The following NCOA2 variants were observed in gnomAD, a reference collection of about 807,000 sequenced individuals.
NCOA2 encodes the protein class E basic helix-loop-helix protein 75.
Under a neutral mutation model 145.1 loss-of-function variants are expected in NCOA2, and 21 were observed. The ratio of observed to expected loss-of-function variants is 0.14; its 90% confidence interval spans 0.10 to 0.21. The LOEUF is 0.21. Among genes scored for constraint, NCOA2 ranks in the 10% least tolerant of loss-of-function variants. NCOA2 has a pLI of 1.00. For missense variants in NCOA2, 1,472 were observed against 1,837.6 expected, an observed-to-expected ratio of 0.80 and a Z score of 3.64; for synonymous variants, 619 against 637.5, an observed-to-expected ratio of 0.97 and a Z score of 0.44.
rs1245784039 is a variant in NCOA2, at chr8:70,170,218, C to T, written c.525G>A (p.Leu175=). The change falls in exon 6 of 23, where the codon CTG becomes CTA. Residue 175 remains leucine, a synonymous_variant. Transcript: ENST00000452400. The part of the protein sequence containing the change: ...VGDHTEFVKN[L]LPKSIVNGGS... ...GACATTTACCTATAGACTTTGGCAGCAGGTTTTTGACAAATTCCGTGTGGT... is the reference window on the plus strand; with the variant it reads ...GACATTTACCTATAGACTTTGGCAGTAGGTTTTTGACAAATTCCGTGTGGT... 9.3e-6 allele frequency: 15 copies of T among 1,613,316 alleles called. No individual in the cohort carries two copies. Among genetic ancestry groups the T allele is most frequent in the East Asian group, 2.2e-5 (1 of 44,848 alleles).
At chr8:70,265,898 C>T (rs1349509822) in intron 2 of NCOA2, among the ~76,000 whole-genome samples, 2 of 152,140 alleles carry the variant, frequency 1.3e-5, no homozygotes, top group Admixed American at 1.3e-4. Context: ...GTAATCCCAG[C>T]ACTTTGGGAG....
At chr8:70,171,265 T>C (rs1308310210) in intron 5 of NCOA2, among the ~76,000 whole-genome samples, 1 of 152,222 alleles carries the variant, frequency 6.6e-6, no homozygotes, top group Non-Finnish European at 1.5e-5. Context: ...AAGTACCTCC[T>C]GGAAGGAATC....
intron 1 of NCOA2, among the ~76,000 whole-genome samples, chr8:70,396,848 T>C (rs1386072177): frequency 1.3e-5 from 2 of 152,228 alleles, no homozygotes; most frequent in African/African-American, 4.8e-5. Flanking sequence ...AAACATTTGC[T>C]TTATCAGATT....
At chr8:70,212,620 C>T (rs1819155048) in intron 4 of NCOA2, among the ~76,000 whole-genome samples, 1 of 152,090 alleles carries the variant, frequency 6.6e-6, no homozygotes, top group Non-Finnish European at 1.5e-5. Context: ...ATGGAAAACG[C>T]TAAGATGATA....
intron 4 of NCOA2, among the ~76,000 whole-genome samples, chr8:70,185,605 A>G (rs1401530520): frequency 6.6e-6 from 1 of 152,166 alleles, no homozygotes; most frequent in Non-Finnish European, 1.5e-5. Context: ...GGACAGGGTC[A>G]TGGGGCACGT....
At chr8:70,293,064 C>T (rs1011139829) in intron 2 of NCOA2, among the ~76,000 whole-genome samples, 1 of 152,098 alleles carries the variant, frequency 6.6e-6, no homozygotes, top group Non-Finnish European at 1.5e-5. Flanking sequence ...TTTAATTCTA[C>T]AGATGACAGT....
At chr8:70,367,999 A>G (rs1810870703) in intron 1 of NCOA2, among the ~76,000 whole-genome samples, 1 of 152,228 alleles carries the variant, frequency 6.6e-6, no homozygotes, top group Non-Finnish European at 1.5e-5. Flanking sequence ...ATAGACTCAG[A>G]AGTATAAGAT....
intron 7 of NCOA2, among the ~76,000 whole-genome samples, chr8:70,166,207 TAC>T (rs1813599259): frequency 2.0e-5 from 3 of 152,202 alleles, no homozygotes; most frequent in Admixed American, 2.0e-4. Context: ...TGCTCACTAA[TAC>T]AGTTATACTA....
intron 4 of NCOA2, among the ~76,000 whole-genome samples, chr8:70,180,931 G>A (rs565892643): frequency 7.9e-5 from 12 of 152,234 alleles, no homozygotes; most frequent in African/African-American, 2.9e-4. Context: ...ATTAGAAACT[G>A]ATCCTAGCAA....
chr8:70,423,872 T>A, the NCOA2 span, among the ~76,000 whole-genome samples: 2 of 152,068 alleles, frequency 1.3e-5, no homozygotes, highest in Non-Finnish European at 2.9e-5. Flanking sequence ...CAGCACAGGG[T>A]CCCCGACACT....
chr8:70,128,173 C>T (rs974724513), intron 18 of NCOA2, among the ~76,000 whole-genome samples: 1 of 152,234 alleles, frequency 6.6e-6, no homozygotes, highest in African/African-American at 2.4e-5. Context: ...CGATAGTTGG[C>T]TGTTCTCTAA....
the NCOA2 span, chr8:70,424,653 A>ATT: frequency 3.1e-6 from 1 of 320,518 alleles, no homozygotes; most frequent in Non-Finnish European, 6.3e-6. Context: ...GATCGTGAAT[A>ATT]TTTTAGCCTT....
At chr8:70,382,743 T>C (rs1004890922) in intron 1 of NCOA2, among the ~76,000 whole-genome samples, 10 of 152,216 alleles carry the variant, frequency 6.6e-5, no homozygotes, top group African/African-American at 1.9e-4. Flanking sequence ...TACCAAATGC[T>C]TGCACGCGTT....
Position 70,156,483 on chromosome 8 carries a change from C to G in NCOA2, c.1882G>C (p.Gly628Arg), listed in dbSNP as rs201963563. The change falls in exon 11 of 23, where the codon GGG becomes CGG. Residue 628 changes from glycine to arginine, a missense_variant. Gly to Arg is a moderately radical substitution (Grantham distance 125, BLOSUM62 -2). Around this residue, in one of 4 missense-constraint regions of NCOA2, gnomAD observed 953 missense variants for 1,062.1 expected, o/e 0.90. Transcript: ENST00000452400. ...PPAVSSERAD[G>R]QSRLHDSKGQ... ...TTGCTGTCATGCAGTCTGCTCTGCC[C>G]GTCAGCTCTCTCACTGCTCACGGCC... 6.2e-7 allele frequency: 1 copy of G among 1,613,752 alleles called. No individual in the cohort carries two copies. Among genetic ancestry groups the G allele is most frequent in the African/African-American group, 1.3e-5 (1 of 74,902 alleles).
chr8:70,137,545 G>A (rs555583541), intron 15 of NCOA2, among the ~76,000 whole-genome samples: 37 of 152,296 alleles, frequency 2.4e-4, no homozygotes, highest in Admixed American at 5.2e-4. Context: ...TCAAATAAAC[G>A]TATCTAGAAA....
the NCOA2 span, among the ~76,000 whole-genome samples, chr8:70,445,982 A>G: frequency 6.6e-6 from 1 of 152,064 alleles, no homozygotes; most frequent in Non-Finnish European, 1.5e-5. Flanking sequence ...TGCCCTTCCC[A>G]TGCCTAGAAA....
chr8:70,403,871 T>A (rs1388472672), upstream of NCOA2: 1 of 384,222 alleles, frequency 2.6e-6, no homozygotes, highest in Non-Finnish European at 4.6e-6. Context: ...CTCCTCCTCC[T>A]CCTCCTCCGC....
intron 2 of NCOA2, among the ~76,000 whole-genome samples, chr8:70,255,610 C>T (rs890468685): frequency 1.3e-5 from 2 of 152,190 alleles, no homozygotes; most frequent in African/African-American, 4.8e-5. Flanking sequence ...GAATCTATCA[C>T]GTTCGGCACA....
At chr8:70,159,244 T>TATATATATATATATGTATATATA in intron 10 of NCOA2, among the ~76,000 whole-genome samples, 4,820 of 69,056 alleles carry the variant, frequency 0.07, 768 homozygotes, top group Non-Finnish European at 0.094. Context: ...ATATATATAT[T>TATATATATATATATGTATATATA]TTTTTTTTTT....
Sources: gnomAD v4.1 joint callset for allele counts (sites outside exome capture counted in the v4.1 genomes callset) on GRCh38, gnomAD v4.1.1 for gene constraint, gnomAD v4.1.1 regional missense constraint, MANE v1.5 for transcripts, NCBI Gene and HGNC (gene_info 2026-07-23, HGNC 2026-07-21) for gene names.